Variants in FOCAD observed in about 807,000 individuals in gnomAD.
FOCAD encodes KIAA1797.
In FOCAD, 198 loss-of-function variants were observed where a neutral mutation model predicts 225.6. The observed-to-expected ratio is 0.88, with a 90% CI of 0.78 to 0.99. FOCAD has a LOEUF of 0.99. FOCAD is among the 50% of genes least tolerant of loss of function. The probability of loss-of-function intolerance (pLI) is 0.00; values close to 1 mark genes in which losing one functional copy is unlikely to be tolerated. For missense variants in FOCAD, 2,713 were observed against 2,123.6 expected, an observed-to-expected ratio of 1.28 and a Z score of -5.46; for synonymous variants, 897 against 755.0, an observed-to-expected ratio of 1.19 and a Z score of -3.08.
chr9:20,759,425 G>C (rs1829363268), intron 6 of FOCAD, among the ~76,000 whole-genome samples: 1 of 152,142 alleles, frequency 6.6e-6, no homozygotes, highest in African/African-American at 2.4e-5. Context: ...ACAACTATCT[G>C]ATCTTTGACA....
At chr9:20,740,166 T>G in intron 4 of FOCAD, 70 bp from the exon 5 acceptor site, 1 of 984,320 alleles carries the variant, frequency 1.0e-6, no homozygotes, top group Middle Eastern at 2.9e-4. Context: ...TTTAAAATGA[T>G]AGGATTAAGC....
At chr9:20,995,157 G>A (rs546746006) in intron 43 of FOCAD, among the ~76,000 whole-genome samples, 21 of 152,016 alleles carry the variant, frequency 1.4e-4, no homozygotes, top group Admixed American at 1.3e-4. Context: ...GTTATTCATT[G>A]TTGTTTTTTA....
rs148362987 is a variant in FOCAD at position 20,828,778 on chromosome 9, C to T, written c.1920+5663C>T. 2.6e-3 allele frequency among the ~76,000 whole-genome samples: 391 copies of T among 152,236 alleles called. 3 individuals are homozygous for T. The highest frequency in any genetic ancestry group is 9.2e-3 in the African/African-American group (382 of 41,552). ...GGCATTAGCTATTTTTCCTAATGCT[C>T]TCTCTCCCCGCAACCCCTCCCCTGA... On this transcript the variant is annotated intron_variant, in intron 15 of 43. Transcript: ENST00000338382.
At chr9:20,809,407 T>C (rs193256875) in intron 11 of FOCAD, among the ~76,000 whole-genome samples, 45 of 152,290 alleles carry the variant, frequency 3.0e-4, no homozygotes, top group Admixed American at 5.9e-4. Context: ...TATTTAATTT[T>C]AGTTAATTTA....
rs755719204 is a variant in FOCAD at position 20,995,594 on chromosome 9, A to G, written c.5371A>G (p.Lys1791Glu). Residue 1791 changes from lysine (K) to glutamate (E), a missense_variant, in exon 44 of 44, where the codon AAG becomes GAG. By Grantham distance (56) the Lys-to-Glu change is moderately conservative. Transcript: ENST00000338382. ...LSLRVLPEFKKKAVWTRAYGW is the reference protein window; with the variant it reads ...LSLRVLPEFKEKAVWTRAYGW ...CTTGAGAGTTCTCCCAGAGTTTAAG[A>G]AGAAAGCTGTATGGACCAGAGCATA... 10 of 1,613,030 alleles carry G rather than the reference A, an allele frequency of 6.2e-6. No individual in the cohort carries two copies. The highest frequency in any genetic ancestry group is 8.5e-6 in the Non-Finnish European group (10 of 1,179,060).
intron 5 of FOCAD, among the ~76,000 whole-genome samples, chr9:20,744,200 C>G (rs970880449): frequency 2.6e-5 from 4 of 152,142 alleles, no homozygotes; most frequent in Non-Finnish European, 1.5e-5. Flanking sequence ...CTTGAACATC[C>G]TCTTAGAAAC....
At chr9:20,814,085 C>G (rs541442971) in intron 11 of FOCAD, among the ~76,000 whole-genome samples, 53 of 152,204 alleles carry the variant, frequency 3.5e-4, no homozygotes, top group African/African-American at 1.3e-3. Flanking sequence ...GTCCTTAAAT[C>G]TAAAGTGAGT....
chr9:20,716,298 A>T (rs997802109), intron 2 of FOCAD: 12 of 258,444 alleles, frequency 4.6e-5, no homozygotes, highest in Non-Finnish European at 1.1e-4. Context: ...ATAGATAATC[A>T]AGAAATGCCC....
chr9:20,844,591 C>A (rs12552823), intron 15 of FOCAD, among the ~76,000 whole-genome samples: 39,982 of 151,524 alleles, frequency 0.26, 5,463 homozygotes, highest in Middle Eastern at 0.34. Flanking sequence ...AAACTCCTGA[C>A]CTCAGGTGAT....
chr9:20,700,417 GT>G (rs1823847567), intron 1 of FOCAD, among the ~76,000 whole-genome samples: 1 of 150,928 alleles, frequency 6.6e-6, no homozygotes, highest in Non-Finnish European at 1.5e-5. Flanking sequence ...TAAAGAAAAT[GT>G]ACCAAAATTT....
intron 33 of FOCAD, 42 bp from the exon 34 acceptor site, chr9:20,950,954 G>C: frequency 6.5e-7 from 1 of 1,535,318 alleles, no homozygotes; most frequent in Non-Finnish European, 9.0e-7. Context: ...AATGGAACTT[G>C]GATCTTATCC....
At chr9:20,803,746 G>T (rs1822095512) in intron 11 of FOCAD, among the ~76,000 whole-genome samples, 1 of 152,128 alleles carries the variant, frequency 6.6e-6, no homozygotes, top group South Asian at 2.1e-4. Flanking sequence ...TTGCTATGGA[G>T]CAGTAGGTTA....
intron 11 of FOCAD, among the ~76,000 whole-genome samples, chr9:20,807,244 G>A (rs1445208988): frequency 6.6e-6 from 1 of 152,222 alleles, no homozygotes; most frequent in Non-Finnish European, 1.5e-5. Flanking sequence ...TGTTTAGCTA[G>A]ATGACATGTT....
intron 40 of FOCAD, among the ~76,000 whole-genome samples, chr9:20,987,157 T>A (rs1359917094): frequency 2.0e-5 from 3 of 152,226 alleles, no homozygotes; most frequent in Non-Finnish European, 4.4e-5. Context: ...CTTATGCTTC[T>A]GTGCCTGGTT....
chr9:20,880,625 TTGAA>T (rs2131834156), intron 19 of FOCAD, among the ~76,000 whole-genome samples: 1 of 152,274 alleles, frequency 6.6e-6, no homozygotes, highest in African/African-American at 2.4e-5. Flanking sequence ...TTTTTGAGCT[TTGAA>T]TGGAGAATCT....
rs765729034 is a variant in FOCAD, at chr9:20,948,908, T to C, written c.3856T>C (p.Ser1286Pro). 1 of 1,613,426 alleles carries C rather than the reference T, an allele frequency of 6.2e-7. No homozygotes were observed. The highest frequency in any genetic ancestry group is 2.2e-5 in the East Asian group (1 of 44,882). Residue 1286 changes from serine (S) to proline (P), a missense_variant, in exon 32 of 44, where the codon TCT (serine) becomes CCT (proline). Coordinates refer to ENST00000338382, the MANE Select transcript of FOCAD (RefSeq NM_001375567.1). ...ALHGMVALVG[S>P]EGDVMQLKSE... ...TCATGGCATGGTGGCCTTGGTAGGC[T>C]CTGAAGGGGATGTAATGCAGGTAAA...
intron 15 of FOCAD, among the ~76,000 whole-genome samples, chr9:20,856,078 C>A (rs959318181): frequency 2.6e-5 from 4 of 151,694 alleles, no homozygotes; most frequent in Non-Finnish European, 5.9e-5. Flanking sequence ...CTTTGATGTA[C>A]TGATTTCCTT....
intron 1 of FOCAD, among the ~76,000 whole-genome samples, chr9:20,692,002 G>A (rs1461420569): frequency 3.3e-5 from 5 of 152,072 alleles, no homozygotes; most frequent in African/African-American, 9.7e-5. Flanking sequence ...CACCCGCCTT[G>A]GCCTCCCAAA....
intron 25 of FOCAD, among the ~76,000 whole-genome samples, chr9:20,925,476 G>A (rs1175478656): frequency 6.6e-6 from 1 of 152,144 alleles, no homozygotes; most frequent in African/African-American, 2.4e-5. Flanking sequence ...TATTCATGAT[G>A]ACCTTGCCTT....
Sources: allele counts gnomAD v4.1 joint callset (sites outside exome capture counted in the v4.1 genomes callset), GRCh38; gene constraint gnomAD v4.1.1; transcripts MANE v1.5; gene names NCBI Gene and HGNC (gene_info 2026-07-23, HGNC 2026-07-21).